ERF: variants seen among roughly 807,000 people sequenced by gnomAD.
ERF encodes ETS2 repressor factor, also known as ETS domain-containing transcription factor ERF.
In ERF, 10 loss-of-function variants were observed where a neutral mutation model predicts 41.6. That is an observed-to-expected ratio of 0.24 (90% CI 0.15 to 0.41). The LOEUF is 0.41. Ranked by LOEUF, ERF falls within the 10% of genes least tolerant of loss-of-function variation. The pLI, the probability that ERF is intolerant of heterozygous loss-of-function variation, is 1.00. For synonymous variants in ERF, 395 were observed against 342.4 expected, an observed-to-expected ratio of 1.15 and a Z score of -1.70; for missense variants, 621 against 763.2, an observed-to-expected ratio of 0.81 and a Z score of 2.19.
chr19:42,253,986 G>A, intron 1 of ERF: 4 of 982,198 alleles, frequency 4.1e-6, no homozygotes, highest in South Asian at 8.0e-5. Context: ...GGCAGGGGGC[G>A]GCTGGGACCC....
At position 42,250,661 on chromosome 19, in the gene ERF, TG is replaced by T; in HGVS notation, c.23-97del. 1.7e-6 allele frequency: 2 copies of T among 1,180,212 alleles called. No homozygotes were observed. The highest frequency in any genetic ancestry group is 2.4e-6 in the Non-Finnish European group (2 of 835,550). The allele number at this position is 1,180,212 out of a possible 1,614,324, so 73.1% of individuals were successfully genotyped here. ...GTCCACCTCTGCCCTGCCTTCAACA[TG>T]GGGAAATCTGTCTCACCTCAGCCAA... On this transcript the variant is annotated intron_variant, in intron 1 of 3. Coordinates refer to ENST00000222329, the MANE Select transcript of ERF (RefSeq NM_006494.4). The surrounding 1 kb of genome is among the most constrained non-coding windows in gnomAD (Gnocchi z 5.1).
chr19:42,250,255 GT>G lies in ERF; in HGVS notation c.257+75del. ...AAGCCAGGGGTCAGACCCAATGCTTGTTCCCACAGGCAAGGGGCTGTGCAAC... is the reference window on the plus strand; with the variant it reads ...AAGCCAGGGGTCAGACCCAATGCTTGTCCCACAGGCAAGGGGCTGTGCAAC... On this transcript the variant is annotated intron_variant, in intron 2 of 3. Coordinates refer to ENST00000222329, the MANE Select transcript of ERF (RefSeq NM_006494.4). This position sits in a 1 kb window ranked among gnomAD's most constrained non-coding sequence, Gnocchi z 5.1. The G allele has an allele frequency of 6.6e-7, 1 of 1,524,410 alleles. No homozygotes were observed. The highest frequency in any genetic ancestry group is 8.9e-7 in the Non-Finnish European group (1 of 1,117,882). The allele number at this position is 1,524,410 out of a possible 1,614,324, so 94.4% of individuals were successfully genotyped here.
chr19:42,248,879 C>A lies in ERF; in HGVS notation c.1233G>T (p.Glu411Asp), dbSNP rs2036384064. 6.2e-7 allele frequency: 1 copy of A among 1,607,982 alleles called. No homozygotes were observed. Among genetic ancestry groups the A allele is most frequent in the Non-Finnish European group, 8.5e-7 (1 of 1,178,740 alleles). Reference protein sequence around the residue: ...KSGGSAGGLAEGAGALAPPPP... With the variant: ...KSGGSAGGLADGAGALAPPPP... ...GCGGTGGGGCTAGCGCCCCTGCCCC[C>A]TCAGCCAGCCCGCCTGCACTGCCAC... The change falls in exon 4 of 4, where the codon GAG becomes GAT. Residue 411 changes from glutamate (E) to aspartate (D), a missense_variant. Glu to Asp is a conservative substitution (Grantham distance 45). This residue lies in a region of ERF where 569 missense variants were observed against 625.5 expected (regional missense o/e 0.91). Transcript: ENST00000222329. This position sits in a 1 kb window ranked among gnomAD's most constrained non-coding sequence, Gnocchi z 4.2.
At position 42,250,368 on chromosome 19, in the gene ERF, G is replaced by A; in HGVS notation, c.220C>T (p.Pro74Ser). 6.2e-7 allele frequency: 1 copy of A among 1,614,082 alleles called. No individual in the cohort carries two copies. The highest frequency in any genetic ancestry group is 8.5e-7 in the Non-Finnish European group (1 of 1,180,032). Residue 74 changes from proline (P) to serine (S), a missense_variant, in exon 2 of 4, where the codon CCC becomes TCC. This residue lies in a region of ERF where 18 missense variants were observed against 80.8 expected (regional missense o/e 0.22). Transcript: ENST00000222329. This position sits in a 1 kb window ranked among gnomAD's most constrained non-coding sequence, Gnocchi z 5.1. Reference protein sequence around the residue: ...ARLWGVRKCKPQMNYDKLSRA... With the variant: ...ARLWGVRKCKSQMNYDKLSRA... ...CTCAGCTTGTCGTAATTCATCTGGGGCTTGCACTTGCGAACGCCCCACAGC... is the reference window on the plus strand; with the variant it reads ...CTCAGCTTGTCGTAATTCATCTGGGACTTGCACTTGCGAACGCCCCACAGC...
At position 42,249,447 on chromosome 19, in the gene ERF, A is replaced by G. The variant is rs1352824213; in HGVS notation, c.665T>C (p.Leu222Pro). The G allele has an allele frequency of 1.3e-6, 2 of 1,596,670 alleles. No individual in the cohort carries two copies. The highest frequency in any genetic ancestry group is 1.7e-6 in the Non-Finnish European group (2 of 1,172,294). Residue 222 changes from leucine to proline, a missense_variant, in exon 4 of 4, where the codon CTG becomes CCG. This residue lies in a region of ERF where 569 missense variants were observed against 625.5 expected (regional missense o/e 0.91). Coordinates refer to ENST00000222329, the MANE Select transcript of ERF (RefSeq NM_006494.4). The surrounding 1 kb of genome is among the most constrained non-coding windows in gnomAD (Gnocchi z 8.6). Reference sequence around the variant, plus strand: ...ACCAGGGTCATGGGGCAGGCGGGCCAGCGGGGGCCCTCGGAAGGCACCCAG... The same window carrying G: ...ACCAGGGTCATGGGGCAGGCGGGCCGGCGGGGGCCCTCGGAAGGCACCCAG... The part of the protein sequence containing the change: ...PDLGAFRGPP[L>P]ARLPHDPGVF...
At chr19:42,253,213 C>G (rs1214915235) in intron 1 of ERF, among the ~76,000 whole-genome samples, 1 of 152,154 alleles carries the variant, frequency 6.6e-6, no homozygotes, top group South Asian at 2.1e-4. Flanking sequence ...ACACGCCGGC[C>G]TCCTGGGGGG....
chr19:42,254,193 C>G (rs1268231701), intron 1 of ERF, among the ~76,000 whole-genome samples: 2 of 151,408 alleles, frequency 1.3e-5, no homozygotes, highest in Non-Finnish European at 3.0e-5. Flanking sequence ...AAGAGACGGC[C>G]CGCTGAAAGA....
At position 42,249,599 on chromosome 19, in the gene ERF, G is replaced by GGAAGAT. The variant is rs749503353; in HGVS notation, c.507_512dup (p.Ser170_Ser171dup). On this transcript the variant is annotated inframe_insertion, in exon 4 of 4. Transcript: ENST00000222329. This position sits in a 1 kb window ranked among gnomAD's most constrained non-coding sequence, Gnocchi z 8.6. The stretch of plus-strand genomic sequence containing the variant: ...GGCGGGCCACCACAGCCGAGAAGAG[G>GGAAGAT]GAAGATGAAGATGAAGAGCAGGCTG... 2 of 1,613,774 alleles carry GGAAGAT rather than the reference G, an allele frequency of 1.2e-6. No individual in the cohort carries two copies. The highest frequency in any genetic ancestry group is 1.1e-5 in the South Asian group (1 of 91,078).
At position 42,248,841 on chromosome 19, in the gene ERF, TGTG is replaced by T. The variant is rs1405940145; in HGVS notation, c.1268_1270del (p.Pro423del). The T allele has an allele frequency of 6.2e-7, 1 of 1,611,822 alleles. No homozygotes were observed. The highest frequency in any genetic ancestry group is 2.2e-5 in the East Asian group (1 of 44,848). ...TTCCGAGATGGGCTCCACCTTGATC[TGTG>T]GTGGCGGGGGCGGTGGGGCTAGCGC... On this transcript the variant is annotated inframe_deletion, in exon 4 of 4. Coordinates refer to ENST00000222329, the MANE Select transcript of ERF (RefSeq NM_006494.4). This position sits in a 1 kb window ranked among gnomAD's most constrained non-coding sequence, Gnocchi z 4.2.
At chr19:42,254,883 C>G (rs1177469070) in intron 1 of ERF, 95 bp downstream of exon 1, 7 of 1,357,290 alleles carry the variant, frequency 5.2e-6, no homozygotes, top group Non-Finnish European at 6.9e-6. Context: ...GGGGATCACT[C>G]GGGCTCCCCC....
intron 1 of ERF, chr19:42,254,523 T>A (rs2036502082): frequency 6.4e-6 from 1 of 155,156 alleles, no homozygotes. Flanking sequence ...GGCCATCCCG[T>A]ATCCCCCGCT....
In ERF at chr19:42,248,613, G is replaced by A; in HGVS notation, c.1499C>T (p.Pro500Leu). Residue 500 changes from proline to leucine, a missense_variant, in exon 4 of 4, where the codon CCC becomes CTC. Physicochemically the swap from Pro to Leu is moderately conservative, Grantham distance 98. This residue lies in a region of ERF where 569 missense variants were observed against 625.5 expected (regional missense o/e 0.91). Coordinates refer to ENST00000222329, the MANE Select transcript of ERF (RefSeq NM_006494.4). This position sits in a 1 kb window ranked among gnomAD's most constrained non-coding sequence, Gnocchi z 4.2. The stretch of plus-strand genomic sequence containing the variant: ...ACCCTCATCCTCAAAGCCCCCAGCG[G>A]GGCCCCCACCCCCTTCGAGGCGACA... ...EDCRLEGGGG[P>L]AGGFEDEGED... 1 of 1,581,226 alleles carries A rather than the reference G, an allele frequency of 6.3e-7. No homozygotes were observed. Among genetic ancestry groups the A allele is most frequent in the African/African-American group, 1.4e-5 (1 of 74,018 alleles).
In ERF at chr19:42,249,665, G is replaced by A. The variant is rs1221438530; in HGVS notation, c.447C>T (p.Pro149=). ...CCTCGGTGGGGGACAGCACCTCGGA[G>A]GGCGTTGAGGGAGGGAAGCGGAAGT... ...GSHFRFPPST[P]SEVLSPTEDP... Residue 149 remains proline (P), a synonymous_variant, in exon 4 of 4, where the codon CCC becomes CCT. Transcript: ENST00000222329. This position sits in a 1 kb window ranked among gnomAD's most constrained non-coding sequence, Gnocchi z 8.6. 2 of 1,603,512 alleles carry A rather than the reference G, an allele frequency of 1.2e-6. No homozygotes were observed. Among genetic ancestry groups the A allele is most frequent in the Non-Finnish European group, 1.7e-6 (2 of 1,173,852 alleles).
Position 42,249,024 on chromosome 19 carries a change from G to A in ERF, c.1088C>T (p.Ser363Leu), listed in dbSNP as rs538236832. Residue 363 changes from serine to leucine, a missense_variant, in exon 4 of 4, where the codon TCG becomes TTG. Transcript: ENST00000222329. The surrounding 1 kb of genome is among the most constrained non-coding windows in gnomAD (Gnocchi z 8.6). ...AGAAGAAGAAGAGGATGACGAGGCCGAGGAGGGGACCGGTGGGGTCTCGGG... is the reference window on the plus strand; with the variant it reads ...AGAAGAAGAAGAGGATGACGAGGCCAAGGAGGGGACCGGTGGGGTCTCGGG... Reference protein sequence around the residue: ...MAPETPPVPSSASSSSSSSSS... With the variant: ...MAPETPPVPSLASSSSSSSSS... 1.4e-5 allele frequency: 22 copies of A among 1,611,216 alleles called. No homozygotes were observed. Among genetic ancestry groups the A allele is most frequent in the Middle Eastern group, 3.3e-4 (2 of 6,054 alleles).
At position 42,249,070 on chromosome 19, in the gene ERF, A is replaced by C; in HGVS notation, c.1042T>G (p.Cys348Gly). 2.5e-6 allele frequency: 4 copies of C among 1,613,112 alleles called. No homozygotes were observed. The highest frequency in any genetic ancestry group is 3.4e-6 in the Non-Finnish European group (4 of 1,179,618). ...TCGGGTGCCATGGGCGGCAGCGGGC[A>C]CTTGTCAGGGCGCTGGGGCTGGGGC... ...VVPQPQRPDKCPLPPMAPETP... is the reference protein window; with the variant it reads ...VVPQPQRPDKGPLPPMAPETP... Residue 348 changes from cysteine (C) to glycine (G), a missense_variant, in exon 4 of 4, where the codon TGC (cysteine) becomes GGC (glycine). By Grantham distance (159) the Cys-to-Gly change is radical. Around this residue, in one of 3 missense-constraint regions of ERF, gnomAD observed 569 missense variants for 625.5 expected, o/e 0.91. Transcript: ENST00000222329. This position sits in a 1 kb window ranked among gnomAD's most constrained non-coding sequence, Gnocchi z 8.6.
In ERF at chr19:42,250,295, T is replaced by C. The variant is rs565589321; in HGVS notation, c.257+36A>G. 6.2e-7 allele frequency: 1 copy of C among 1,604,780 alleles called. No homozygotes were observed. The highest frequency in any genetic ancestry group is 1.1e-5 in the South Asian group (1 of 90,068). ...GGGCTGTGCAACCCCGGGGGGGCACTCCACATGTGCTCAGGGGTCCCCAGC... is the reference window on the plus strand; with the variant it reads ...GGGCTGTGCAACCCCGGGGGGGCACCCCACATGTGCTCAGGGGTCCCCAGC... On this transcript the variant is annotated intron_variant, in intron 2 of 3. Coordinates refer to ENST00000222329, the MANE Select transcript of ERF (RefSeq NM_006494.4). The surrounding 1 kb of genome is among the most constrained non-coding windows in gnomAD (Gnocchi z 5.1).
Position 42,249,127 on chromosome 19 carries a change from G to A in ERF, c.985C>T (p.Arg329Cys), listed in dbSNP as rs1307797425. 1 of 1,613,886 alleles carries A rather than the reference G, an allele frequency of 6.2e-7. No homozygotes were observed. The highest frequency in any genetic ancestry group is 8.5e-7 in the Non-Finnish European group (1 of 1,179,878). Residue 329 changes from arginine to cysteine, a missense_variant, in exon 4 of 4, where the codon CGC becomes TGC. Physicochemically the swap from Arg to Cys is radical, Grantham distance 180. Around this residue, in one of 3 missense-constraint regions of ERF, gnomAD observed 569 missense variants for 625.5 expected, o/e 0.91. Coordinates refer to ENST00000222329, the MANE Select transcript of ERF (RefSeq NM_006494.4). This position sits in a 1 kb window ranked among gnomAD's most constrained non-coding sequence, Gnocchi z 8.6. ...QSVYNYHLSP[R>C]AFLHYPGLVV... ...AGCCCAGGGTAGTGCAGGAAGGCGC[G>A]GGGGCTGAGGTGGTAGTTGTAGACG...
At chr19:42,251,151 G>T in intron 1 of ERF, 2 of 915,654 alleles carry the variant, frequency 2.2e-6, no homozygotes, top group Non-Finnish European at 1.3e-6. Flanking sequence ...CACACACAGA[G>T]GCTTCTGTCT....
chr19:42,249,993 C>G lies in ERF; in HGVS notation c.258-51G>C, dbSNP rs983523826. The G allele has an allele frequency of 2.0e-6, 3 of 1,509,980 alleles. No homozygotes were observed. The highest frequency in any genetic ancestry group is 1.7e-5 in the Admixed American group (1 of 59,852). 93.5% of individuals were successfully genotyped at this position (1,509,980 alleles called of 1,614,324 possible). ...AAGGTCAGGTACGTGGGACCCAGGT[C>G]TAGACTCCACACCTTAACACGCACT... On this transcript the variant is annotated intron_variant, in intron 2 of 3. Coordinates refer to ENST00000222329, the MANE Select transcript of ERF (RefSeq NM_006494.4). This position sits in a 1 kb window ranked among gnomAD's most constrained non-coding sequence, Gnocchi z 8.6.
Sources: gnomAD v4.1 joint callset for allele counts (sites outside exome capture counted in the v4.1 genomes callset) on GRCh38, gnomAD v4.1.1 for gene constraint, gnomAD v4.1.1 regional missense constraint, Gnocchi (gnomAD v3.1) non-coding constraint, MANE v1.5 for transcripts, NCBI Gene and HGNC (gene_info 2026-07-23, HGNC 2026-07-21) for gene names.